Variants in MICAL2 observed in about 807,000 individuals in gnomAD.
MICAL2 encodes the protein microtubule associated monooxygenase, calponin and LIM domain containing 2.
In MICAL2, 77 loss-of-function variants were observed where a neutral mutation model predicts 127.3. The observed-to-expected ratio is 0.60, with a 90% confidence interval of 0.50 to 0.73. The LOEUF (loss-of-function observed/expected upper bound fraction) is 0.73. MICAL2 is among the 30% of genes least tolerant of loss of function. The pLI is 0.00. For missense variants in MICAL2, 1,351 were observed against 1,434.4 expected, an observed-to-expected ratio of 0.94 and a Z score of 0.94; for synonymous variants, 570 against 551.1, an observed-to-expected ratio of 1.03 and a Z score of -0.48.
chr11:12,310,881 T>TA (rs751025072), intron 29 of MICAL2, among the ~76,000 whole-genome samples: 1 of 152,036 alleles, frequency 6.6e-6, no homozygotes, highest in Non-Finnish European at 1.5e-5. Context: ...TGTAGAGATC[T>TA]TTCACTTCTT....
chr11:12,128,966 A>G (rs1290458978), intron 1 of MICAL2, among the ~76,000 whole-genome samples: 1 of 152,198 alleles, frequency 6.6e-6, no homozygotes, highest in Non-Finnish European at 1.5e-5. Context: ...AACAATTCTT[A>G]TATTATTTTT....
At chr11:12,227,549 G>T (rs140178500) in intron 15 of MICAL2, among the ~76,000 whole-genome samples, 1 of 152,266 alleles carries the variant, frequency 6.6e-6, no homozygotes, top group Non-Finnish European at 1.5e-5. Flanking sequence ...CCATTAATTT[G>T]TATTTATTCA....
chr11:12,140,382 A>C (rs1019976631), intron 2 of MICAL2, among the ~76,000 whole-genome samples: 1 of 152,162 alleles, frequency 6.6e-6, no homozygotes, highest in African/African-American at 2.4e-5. Flanking sequence ...GCCCAGTCCT[A>C]CTGTTTATAA....
intron 29 of MICAL2, chr11:12,319,602 T>G: frequency 1.7e-4 from 149 of 876,398 alleles, no homozygotes; most frequent in Non-Finnish European, 2.5e-4. Context: ...AGGAAGGGAA[T>G]GAGAGTAAGT....
At chr11:12,213,656 C>T in intron 7 of MICAL2, among the ~76,000 whole-genome samples, 1 of 152,172 alleles carries the variant, frequency 6.6e-6, no homozygotes. Context: ...GCTGAGTGCT[C>T]ATTACATGCC....
chr11:12,261,524 G>C (rs1863108627), intron 26 of MICAL2: 2 of 985,554 alleles, frequency 2.0e-6, no homozygotes, highest in South Asian at 4.7e-5. Context: ...GGCCGCCAGA[G>C]AAAGGCCATC....
chr11:12,295,006 A>G (rs1863967894), downstream of MICAL2: 3 of 1,205,860 alleles, frequency 2.5e-6, no homozygotes, highest in Non-Finnish European at 3.2e-6. Flanking sequence ...AATTTGAAAA[A>G]AATCTGAAAA....
intron 30 of MICAL2, among the ~76,000 whole-genome samples, chr11:12,322,926 A>G (rs182125124): frequency 6.6e-6 from 1 of 152,306 alleles, no homozygotes; most frequent in Non-Finnish European, 1.5e-5. Context: ...GTGTATCCCT[A>G]CAAAGTAGGC....
chr11:12,288,146 G>A (rs7105815), downstream of MICAL2, among the ~76,000 whole-genome samples: 51,558 of 152,050 alleles, frequency 0.34, 9,141 homozygotes, highest in East Asian at 0.54. Context: ...TGCACTCTTG[G>A]GCAGGCCACT....
chr11:12,116,685 C>T (rs954256598), intron 1 of MICAL2: 1 of 152,176 alleles, frequency 6.6e-6, no homozygotes, highest in Non-Finnish European at 1.5e-5. Flanking sequence ...TGACTCTGGC[C>T]CTCTGTTCAC....
intron 3 of MICAL2, among the ~76,000 whole-genome samples, chr11:12,169,826 G>T (rs1039724529): frequency 6.6e-6 from 1 of 152,200 alleles, no homozygotes; most frequent in Admixed American, 6.5e-5. Context: ...AAAATTATAG[G>T]CATTGTCAGA....
intron 1 of MICAL2, among the ~76,000 whole-genome samples, chr11:12,127,113 C>T (rs1259471359): frequency 1.3e-5 from 2 of 152,118 alleles, no homozygotes; most frequent in Non-Finnish European, 2.9e-5. Flanking sequence ...GTGTGTTTAA[C>T]TTCAGAACAG....
At position 12,244,099 on chromosome 11, in the gene MICAL2, C is replaced by T; in HGVS notation, c.2771C>T (p.Ser924Phe). ...SSSPSTVDSA[S>F]PARKEKKSPS... ...TCTCCATCAACTGTTGACTCTGCTT[C>T]TCCTGCCAGAAAGGTAGTTGTCCTG... is the stretch of plus-strand genomic sequence containing the variant. The change falls in exon 21 of 28, where the codon TCT becomes TTT. Residue 924 changes from serine (S) to phenylalanine (F), a missense_variant. Physicochemically the swap from Ser to Phe is radical, Grantham distance 155. This residue lies in a region of MICAL2 where 752 missense variants were observed against 719.4 expected (regional missense o/e 1.05). Coordinates refer to ENST00000683283, the MANE Select transcript of MICAL2 (RefSeq NM_001282663.2). The T allele has an allele frequency of 6.2e-7, 1 of 1,614,246 alleles. No individual in the cohort carries two copies.
chr11:12,294,824 C>T, downstream of MICAL2: 1 of 1,517,524 alleles, frequency 6.6e-7, no homozygotes, highest in Non-Finnish European at 8.8e-7. Flanking sequence ...TCCTCCTCCT[C>T]CTCCTCCTCC....
intron 9 of MICAL2, 94 bp from the exon 10 acceptor site, chr11:12,221,550 C>A: frequency 1.1e-6 from 1 of 869,676 alleles, no homozygotes; most frequent in Non-Finnish European, 1.9e-6. Context: ...CAGTGCCCTG[C>A]ACAGTCCTGG....
In MICAL2 at chr11:12,260,171, G is replaced by A. The variant is rs767360420; in HGVS notation, c.3334+274G>A. The stretch of plus-strand genomic sequence containing the variant: ...AGGTGCTTCCCAGTCAAGCTCCGCT[G>A]ACATGGCTGGCTGCCCCAAAGTGCC... On this transcript the variant is annotated intron_variant, in intron 26 of 27. Coordinates refer to ENST00000683283, the MANE Select transcript of MICAL2 (RefSeq NM_001282663.2). 5 of 1,502,514 alleles carry A rather than the reference G, an allele frequency of 3.3e-6. No homozygotes were observed. In the East Asian group the frequency reaches 9.9e-5, roughly 30 times the overall value. 93.1% of individuals were successfully genotyped at this position (1,502,514 alleles called of 1,614,324 possible). A position where few individuals can be genotyped will look rare whatever the true frequency, so the allele number is the denominator to read the frequency against.
At chr11:12,214,145 C>T (rs867487697) in intron 7 of MICAL2, among the ~76,000 whole-genome samples, 11 of 152,080 alleles carry the variant, frequency 7.2e-5, no homozygotes, top group Admixed American at 3.9e-4. Flanking sequence ...GTAATAGGGA[C>T]GGCAGAGAAA....
In MICAL2 at chr11:12,226,302, A is replaced by G. The variant is rs200779809; in HGVS notation, c.1820A>G (p.Lys607Arg). 5 of 1,614,196 alleles carry G rather than the reference A, an allele frequency of 3.1e-6. No individual in the cohort carries two copies. Among genetic ancestry groups the G allele is most frequent in the African/African-American group, 1.3e-5 (1 of 75,034 alleles). The change falls in exon 14 of 28, where the codon AAG (lysine) becomes AGG (arginine). Residue 607 changes from lysine (K) to arginine (R), a missense_variant. Transcript: ENST00000683283. ...ATGGCATCTGCCCAGGAGCCTGACA[A>G]GCTCAGCATGGTCATGTACCTCTCC... is the stretch of plus-strand genomic sequence containing the variant. ...KEMASAQEPD[K>R]LSMVMYLSKF...
Position 12,219,144 on chromosome 11 carries a change from C to G in MICAL2, c.949-1057C>G, listed in dbSNP as rs73416302. On this transcript the variant is annotated intron_variant, in intron 8 of 27. Transcript: ENST00000683283. ...TTTGACCCGTTGCTCTCACTGGCCCCAAAGCCTGTGTTCATGTTACACACT... is the reference window on the plus strand; with the variant it reads ...TTTGACCCGTTGCTCTCACTGGCCCGAAAGCCTGTGTTCATGTTACACACT... Among the ~76,000 whole-genome samples the G allele has an allele frequency of 2.5e-3, 382 of 152,302 alleles. 4 individuals carry two copies. The highest frequency in any genetic ancestry group is 5.9e-3 in the African/African-American group (246 of 41,556).
Sources: allele counts gnomAD v4.1 joint callset (sites outside exome capture counted in the v4.1 genomes callset), GRCh38; gene constraint gnomAD v4.1.1; regional missense constraint gnomAD v4.1.1; transcripts MANE v1.5; gene names NCBI Gene and HGNC (gene_info 2026-07-23, HGNC 2026-07-21).